The following RNF182 variants were observed in gnomAD, a reference collection of about 807,000 sequenced individuals.
RNF182 encodes the protein E3 ubiquitin-protein ligase RNF182.
A neutral mutation model predicts 14.4 loss-of-function variants in RNF182; 15 were observed. The ratio of observed to expected loss-of-function variants is 1.04; its 90% confidence interval spans 0.70 to 1.60. The LOEUF (loss-of-function observed/expected upper bound fraction) is 1.60, where lower values mean the gene tolerates loss of function less well. RNF182 is among the 40% of genes most tolerant of loss of function. The pLI is 0.00. For missense variants in RNF182, 268 were observed against 294.8 expected (o/e 0.91, Z 0.67); for synonymous variants, 128 against 122.9 (o/e 1.04, Z -0.27).
rs1161336129 is a variant in RNF182 at position 13,980,240 on chromosome 6, T to TATTTA, written c.*2378_*2382dup. The TATTTA allele has an allele frequency of 6.6e-6, 1 of 150,396 alleles. No homozygotes were observed. Among genetic ancestry groups the TATTTA allele is most frequent in the Non-Finnish European group, 1.5e-5 (1 of 67,646 alleles). 9.3% of individuals were successfully genotyped at this position (150,396 alleles called of 1,614,324 possible). A position where few individuals can be genotyped will look rare whatever the true frequency, so the allele number is the denominator to read the frequency against. ...TATTTTATTTTATTTTATTTTATTT[T>TATTTA]ATTTATTTATTTTAAAGCAGGGGAG... On this transcript the variant is annotated 3_prime_UTR_variant, in exon 3 of 3. Coordinates refer to ENST00000488300, the MANE Select transcript of RNF182 (RefSeq NM_152737.4).
In RNF182 at chr6:13,977,143, C is replaced by A. The variant is rs140287796; in HGVS notation, c.24C>A (p.Asp8Glu). The A allele has an allele frequency of 3.9e-5, 63 of 1,613,710 alleles. No homozygotes were observed. Among genetic ancestry groups the A allele is most frequent in the Non-Finnish European group, 4.8e-5 (57 of 1,179,832 alleles). MASQPPE[D>E]TAESQASDEL... ...AGATGGCCAGTCAACCTCCTGAAGA[C>A]ACTGCGGAGTCTCAGGCCTCTGATG... Residue 8 changes from aspartate to glutamate, a missense_variant, in exon 3 of 3, where the codon GAC becomes GAA. Physicochemically the swap from Asp to Glu is conservative, Grantham distance 45 (BLOSUM62 2). Coordinates refer to ENST00000488300, the MANE Select transcript of RNF182 (RefSeq NM_152737.4).
At chr6:13,961,603 T>C (rs563237814) in intron 1 of RNF182, 71 of 152,256 alleles carry the variant, frequency 4.7e-4, no homozygotes, top group African/African-American at 1.6e-3. Flanking sequence ...TTCCTGAACA[T>C]TTATTGGTTT....
chr6:13,970,101 A>G lies in RNF182; in HGVS notation c.-366-4109A>G, dbSNP rs140649851. Among the ~76,000 whole-genome samples, 722 of 152,326 alleles carry G rather than the reference A, an allele frequency of 4.7e-3. 6 individuals are homozygous for G. The highest frequency in any genetic ancestry group is 0.014 in the African/African-American group (578 of 41,586). On this transcript the variant is annotated intron_variant, in intron 1 of 2. Coordinates refer to ENST00000488300, the MANE Select transcript of RNF182 (RefSeq NM_152737.4). ...ACAAAGAATGTATGATGGTCAAGTC[A>G]GGGTAATTAGGGTATTCATCACCTT...
intron 1 of RNF182, among the ~76,000 whole-genome samples, chr6:13,938,013 T>TG (rs534410578): frequency 7.1e-6 from 1 of 140,728 alleles, no homozygotes; most frequent in Non-Finnish European, 1.6e-5. Flanking sequence ...TGTTTTTTTT[T>TG]TTTTTTTTTT....
In RNF182 at chr6:13,940,316, AT is replaced by A. The variant is rs567274033; in HGVS notation, c.-367+15294del. On this transcript the variant is annotated intron_variant, in intron 1 of 2. Coordinates refer to ENST00000488300, the MANE Select transcript of RNF182 (RefSeq NM_152737.4). Reference sequence around the variant, plus strand: ...AATATGGTAATCACATTTTAAAAAAATGTTAGAACAGTTTTGCATTTCTATA... The same window carrying A: ...AATATGGTAATCACATTTTAAAAAAAGTTAGAACAGTTTTGCATTTCTATA... Among the ~76,000 whole-genome samples the A allele has an allele frequency of 6.6e-5, 10 of 152,330 alleles. No individual in the cohort carries two copies. The East Asian group carries it at 1.5e-3, about 23-fold the overall frequency.
chr6:13,927,041 A>G (rs893368314), intron 1 of RNF182, among the ~76,000 whole-genome samples: 2 of 152,164 alleles, frequency 1.3e-5, no homozygotes, highest in African/African-American at 4.8e-5. Flanking sequence ...CACAACATTC[A>G]ATATAGTTTG....
intron 1 of RNF182, among the ~76,000 whole-genome samples, chr6:13,938,744 T>A (rs2113593035): frequency 6.6e-6 from 1 of 152,324 alleles, no homozygotes; most frequent in South Asian, 2.1e-4. Context: ...TTCATAAAAA[T>A]AAGTAATCAT....
At chr6:13,926,789 G>GT (rs1282864724) in intron 1 of RNF182, among the ~76,000 whole-genome samples, 10 of 136,518 alleles carry the variant, frequency 7.3e-5, no homozygotes, top group Admixed American at 3.5e-4. Context: ...GTGTGTGTGT[G>GT]TGTTTTTTTT....
At chr6:13,929,248 T>C (rs999326147) in intron 1 of RNF182, among the ~76,000 whole-genome samples, 1 of 152,188 alleles carries the variant, frequency 6.6e-6, no homozygotes, top group Admixed American at 6.5e-5. Flanking sequence ...AAAATAAAAC[T>C]GTGTGTTTGG....
intron 1 of RNF182, among the ~76,000 whole-genome samples, chr6:13,950,014 A>G (rs892102700): frequency 2.0e-5 from 3 of 152,212 alleles, no homozygotes; most frequent in African/African-American, 4.8e-5. Flanking sequence ...GCTTTATTCT[A>G]TCTAACTTAA....
chr6:13,977,029 A>G lies in RNF182; in HGVS notation c.-91A>G, dbSNP rs1216462923. The G allele has an allele frequency of 5.9e-6, 8 of 1,366,796 alleles. No homozygotes were observed. The allele number at this position is 1,366,796 out of a possible 1,614,324, so 84.7% of individuals were successfully genotyped here. A position where few individuals can be genotyped will look rare whatever the true frequency, so the allele number is the denominator to read the frequency against. On this transcript the variant is annotated 5_prime_UTR_variant, in exon 3 of 3. Coordinates refer to ENST00000488300, the MANE Select transcript of RNF182 (RefSeq NM_152737.4). ...TCCTGCCTTTTTGCATCGCTGCCAGATTTGGATGATATGATATTCAGAGGG... is the reference window on the plus strand; with the variant it reads ...TCCTGCCTTTTTGCATCGCTGCCAGGTTTGGATGATATGATATTCAGAGGG...
chr6:13,957,260 A>T (rs1365286181), intron 1 of RNF182, among the ~76,000 whole-genome samples: 1 of 152,248 alleles, frequency 6.6e-6, no homozygotes, highest in Non-Finnish European at 1.5e-5. Context: ...AATATATGTC[A>T]ATCAACAATG....
intron 1 of RNF182, among the ~76,000 whole-genome samples, chr6:13,938,322 C>G (rs1759194636): frequency 6.6e-6 from 1 of 151,152 alleles, no homozygotes; most frequent in Non-Finnish European, 1.5e-5. Context: ...TGGCCTTTTT[C>G]TTATTGATTT....
intron 1 of RNF182, 22 bp from the exon 2 acceptor site, chr6:13,974,188 A>G (rs945921950): frequency 6.6e-6 from 1 of 151,988 alleles, no homozygotes; most frequent in Non-Finnish European, 1.5e-5. Flanking sequence ...AACAATCACC[A>G]TGCTCTTTTC....
At chr6:13,962,226 A>C (rs280182) in intron 1 of RNF182, among the ~76,000 whole-genome samples, 43,319 of 152,016 alleles carry the variant, frequency 0.28, 7,497 homozygotes, top group Non-Finnish European at 0.39. Flanking sequence ...ACTTTCTTGG[A>C]GGTAGATGCC....
chr6:13,963,557 G>A (rs1759934297), intron 1 of RNF182, among the ~76,000 whole-genome samples: 1 of 152,140 alleles, frequency 6.6e-6, no homozygotes. Context: ...GTTAGTTGAG[G>A]CTGGATGGTC....
At chr6:13,940,084 G>A (rs1332712607) in intron 1 of RNF182, among the ~76,000 whole-genome samples, 1 of 151,982 alleles carries the variant, frequency 6.6e-6, no homozygotes, top group Non-Finnish European at 1.5e-5. Flanking sequence ...CATGTACTTT[G>A]TCTTATTCCC....
intron 1 of RNF182, among the ~76,000 whole-genome samples, chr6:13,934,516 C>T (rs1327448237): frequency 6.6e-6 from 1 of 152,198 alleles, no homozygotes; most frequent in African/African-American, 2.4e-5. Context: ...AGTGACTTCT[C>T]CAACAATGTT....
chr6:13,965,115 A>G (rs1759987863), intron 1 of RNF182, among the ~76,000 whole-genome samples: 1 of 152,234 alleles, frequency 6.6e-6, no homozygotes, highest in Non-Finnish European at 1.5e-5. Flanking sequence ...CAACCTGACA[A>G]AAAATAGAAA....
Sources: gnomAD v4.1 joint callset for allele counts (sites outside exome capture counted in the v4.1 genomes callset) on GRCh38, gnomAD v4.1.1 for gene constraint, MANE v1.5 for transcripts, NCBI Gene and HGNC (gene_info 2026-07-23, HGNC 2026-07-21) for gene names.